ZP3: variants seen among roughly 807,000 people sequenced by gnomAD.
ZP3 encodes the protein zona pellucida sperm-binding protein 3.
A neutral mutation model predicts 35.6 loss-of-function variants in ZP3; 21 were observed. The observed-to-expected ratio is 0.59, with a 90% confidence interval of 0.42 to 0.85. The LOEUF (loss-of-function observed/expected upper bound fraction) is 0.85, where lower values mean the gene tolerates loss of function less well. ZP3 is among the 40% of genes least tolerant of loss of function. ZP3 has a pLI of 0.00. For synonymous variants in ZP3, 207 were observed against 214.5 expected, an observed-to-expected ratio of 0.96 and a Z score of 0.31; for missense variants, 437 against 536.5, an observed-to-expected ratio of 0.81 and a Z score of 1.83.
Position 76,433,641 on chromosome 7 carries a change from TC to T in ZP3, c.709del (p.His237MetfsTer41). The stretch of plus-strand genomic sequence containing the variant: ...TCCCCTTATCACACCATCGTGGACT[TC>T]CATGGGTGAGCACTGGGCTCCCTGC... Reference protein sequence around the residue: ...NASPYHTIVDFHGCLVDGLTD... With the variant: ...NASPYHTIVDXHGCLVDGLTD... On this transcript the variant is annotated frameshift_variant, in exon 4 of 8. Coordinates refer to ENST00000394857, the MANE Select transcript of ZP3 (RefSeq NM_001110354.2). LOFTEE classifies it high-confidence loss of function. The T allele has an allele frequency of 6.2e-7, 1 of 1,604,872 alleles. No homozygotes were observed. The highest frequency in any genetic ancestry group is 8.5e-7 in the Non-Finnish European group (1 of 1,174,096).
At chr7:76,403,957 C>T (rs1409165307) in intron 1 of ZP3, among the ~76,000 whole-genome samples, 2 of 152,110 alleles carry the variant, frequency 1.3e-5, no homozygotes, top group African/African-American at 2.4e-5. Context: ...GTCACCGAGC[C>T]CGGCCTTCTT....
At chr7:76,429,372 A>T in intron 1 of ZP3, 143 bp from the exon 2 acceptor site, 1 of 742,818 alleles carries the variant, frequency 1.3e-6, no homozygotes, top group Non-Finnish European at 2.4e-6. Context: ...TGCTGGGGTT[A>T]CAGGCATGAG....
chr7:76,423,024 A>AGAGAGAGAGC (rs1805548610), upstream of ZP3, among the ~76,000 whole-genome samples: 1 of 94,624 alleles, frequency 1.1e-5, no homozygotes. Flanking sequence ...AGAGAGAGAG[A>AGAGAGAGAGC]GAGAAAGAAA....
chr7:76,427,002 C>G (rs945833987), intron 1 of ZP3, among the ~76,000 whole-genome samples: 5 of 152,010 alleles, frequency 3.3e-5, no homozygotes, highest in Admixed American at 1.3e-4. Flanking sequence ...CTGCAGTGAG[C>G]TACGATTGTG....
rs113131026 is a variant in ZP3 at position 76,441,471 on chromosome 7, C to T, written c.1061-371C>T. ...TGGCACGATCTCTGCTCACTGAAAC[C>T]TCTACCTCCCAGGTTCAAGCTATTC... On this transcript the variant is annotated intron_variant, in intron 7 of 7. Transcript: ENST00000394857. Among the ~76,000 whole-genome samples, 1,436 of 152,016 alleles carry T rather than the reference C, an allele frequency of 9.4e-3. 27 individuals are homozygous for T. The highest frequency in any genetic ancestry group is 0.033 in the African/African-American group (1,384 of 41,346).
At chr7:76,435,731 CA>C (rs1361216006) in intron 5 of ZP3, among the ~76,000 whole-genome samples, 1 of 125,528 alleles carries the variant, frequency 8.0e-6, no homozygotes, top group Admixed American at 8.6e-5. Flanking sequence ...CTACCACCAG[CA>C]TTTTTTTTTT....
intron 5 of ZP3, among the ~76,000 whole-genome samples, chr7:76,438,540 A>G (rs1806097787): frequency 1.4e-5 from 2 of 141,988 alleles, no homozygotes; most frequent in African/African-American, 2.6e-5. Context: ...CCGTCTCAGA[A>G]AAAAAAAAAA....
rs138738542 is a variant in ZP3, at chr7:76,427,954, A to G, written c.313-1561A>G. On this transcript the variant is annotated intron_variant, in intron 1 of 7. Transcript: ENST00000394857. ...CTCCCAAAGTGCTGGGATTACAGGC[A>G]TGAGCCACTGCACCCAGCCCTCAAG... 4.6e-5 allele frequency among the ~76,000 whole-genome samples: 7 copies of G among 152,126 alleles called. No individual in the cohort carries two copies. In the East Asian group the frequency reaches 1.4e-3, roughly 30 times the overall value.
At chr7:76,411,573 G>GA (rs113201758) in intron 1 of ZP3, among the ~76,000 whole-genome samples, 5 of 149,502 alleles carry the variant, frequency 3.3e-5, no homozygotes, top group African/African-American at 7.4e-5. Context: ...TGTTTTAGGG[G>GA]AAAAAAAAAG....
chr7:76,424,623 T>G (rs536536720), upstream of ZP3, among the ~76,000 whole-genome samples: 1 of 151,892 alleles, frequency 6.6e-6, no homozygotes, highest in South Asian at 2.1e-4. Flanking sequence ...GACAACAGAG[T>G]GAGACTCTGT....
At chr7:76,424,133 C>T (rs967930167), upstream of ZP3, among the ~76,000 whole-genome samples, 4 of 152,104 alleles carry the variant, frequency 2.6e-5, no homozygotes, top group African/African-American at 9.7e-5. Context: ...AGATCTAATC[C>T]CCCTGACTCT....
chr7:76,397,601 T>A (rs1380396607), exon 1 of ZP3: 9 of 1,609,096 alleles, frequency 5.6e-6, no homozygotes, highest in African/African-American at 1.3e-5. Context: ...CAGGCGGGGC[T>A]CGCCGCCTTC....
chr7:76,406,206 G>C (rs933606267), intron 1 of ZP3, among the ~76,000 whole-genome samples: 4 of 152,090 alleles, frequency 2.6e-5, no homozygotes, highest in African/African-American at 9.7e-5. Context: ...TTGAACTCCT[G>C]ACCTCAGGTG....
intron 5 of ZP3, among the ~76,000 whole-genome samples, chr7:76,435,320 T>A (rs537191055): frequency 1.3e-5 from 2 of 152,322 alleles, no homozygotes; most frequent in East Asian, 3.9e-4. Flanking sequence ...GCCTGGCTAA[T>A]TTTTTTGTAT....
At chr7:76,423,030 A>AAGAAAGAAG (rs1805552026), upstream of ZP3, among the ~76,000 whole-genome samples, 1 of 44,740 alleles carries the variant, frequency 2.2e-5, no homozygotes, top group Non-Finnish European at 4.7e-5. Flanking sequence ...AGAGAGAGAA[A>AAGAAAGAAG]GAAAGAAAGA....
rs1193487653 is a variant in ZP3, at chr7:76,424,958, A to G, written c.-7A>G. 10 of 1,522,204 alleles carry G rather than the reference A, an allele frequency of 6.6e-6. No individual in the cohort carries two copies. In the East Asian group the frequency reaches 7.4e-5, roughly 11 times the overall value. 94.3% of individuals were successfully genotyped at this position (1,522,204 alleles called of 1,614,324 possible). A position where few individuals can be genotyped will look rare whatever the true frequency, so the allele number is the denominator to read the frequency against. On this transcript the variant is annotated 5_prime_UTR_variant, in exon 1 of 8. Transcript: ENST00000394857. ...CAGAGGCGGCTGCCTGCTGCTCTGC[A>G]GGTACCATGGAGCTGAGCTATAGGC...
At position 76,440,280 on chromosome 7, in the gene ZP3, C is replaced by A. The variant is rs1191408098; in HGVS notation, c.862C>A (p.Leu288Ile). The change falls in exon 6 of 8, where the codon CTA (leucine) becomes ATA (isoleucine). Residue 288 changes from leucine to isoleucine, a missense_variant. Coordinates refer to ENST00000394857, the MANE Select transcript of ZP3 (RefSeq NM_001110354.2). ...IYITCHLKVT[L>I]AEQDPDELNK... ...CATCACCTGCCACCTGAAGGTCACC[C>A]TAGCTGAGCAGGACCCAGATGAACT... The A allele has an allele frequency of 6.2e-7, 1 of 1,611,320 alleles. No homozygotes were observed. Among genetic ancestry groups the A allele is most frequent in the African/African-American group, 1.3e-5 (1 of 74,750 alleles).
At chr7:76,400,891 T>C in intron 1 of ZP3, 2 of 1,366,380 alleles carry the variant, frequency 1.5e-6, no homozygotes, top group Admixed American at 4.0e-5. Context: ...TCCCCTGAGA[T>C]GGGGGCATCT....
intron 1 of ZP3, among the ~76,000 whole-genome samples, chr7:76,419,063 G>T (rs948474698): frequency 6.6e-6 from 1 of 152,024 alleles, no homozygotes; most frequent in Admixed American, 6.6e-5. Context: ...CTGTAAAATG[G>T]AGCAAATAGT....
Sources: allele counts gnomAD v4.1 joint callset (sites outside exome capture counted in the v4.1 genomes callset), GRCh38; gene constraint gnomAD v4.1.1; transcripts MANE v1.5; gene names NCBI Gene and HGNC (gene_info 2026-07-23, HGNC 2026-07-21).